CLMN: variants seen among roughly 807,000 people sequenced by gnomAD.
CLMN encodes calmin.
In CLMN, 57 loss-of-function variants were observed where a neutral mutation model predicts 92.7. The observed-to-expected ratio is 0.61, with a 90% CI of 0.50 to 0.77. The LOEUF is 0.77. CLMN is among the 30% of genes least tolerant of loss of function. CLMN has a pLI of 0.00. For synonymous variants in CLMN, 466 were observed against 470.6 expected, an observed-to-expected ratio of 0.99 and a Z score of 0.13; for missense variants, 1,158 against 1,237.5, an observed-to-expected ratio of 0.94 and a Z score of 0.96.
chr14:95,205,774 G>C (rs941640461), intron 8 of CLMN, among the ~76,000 whole-genome samples: 2 of 152,108 alleles, frequency 1.3e-5, no homozygotes, highest in Non-Finnish European at 2.9e-5. Context: ...TTAAAGATGA[G>C]TATTATAATC....
At chr14:95,231,353 T>C (rs1897883203) in intron 1 of CLMN, among the ~76,000 whole-genome samples, 1 of 152,168 alleles carries the variant, frequency 6.6e-6, no homozygotes, top group South Asian at 2.1e-4. Context: ...CGCACCACCA[T>C]GCCTGGCTAA....
intron 9 of CLMN, 47 bp from the exon 10 acceptor site, chr14:95,196,741 T>C (rs1158583211): frequency 6.4e-7 from 1 of 1,571,528 alleles, no homozygotes; most frequent in Admixed American, 1.8e-5. Flanking sequence ...CACGCTGCAG[T>C]GTAAAGTAGG....
chr14:95,242,816 C>G (rs768259322), intron 1 of CLMN, among the ~76,000 whole-genome samples: 16 of 152,004 alleles, frequency 1.1e-4, no homozygotes, highest in Non-Finnish European at 2.1e-4. Flanking sequence ...ATCCGCCCAC[C>G]TTGGCCTCCC....
chr14:95,274,154 C>A (rs1433379229), intron 1 of CLMN, among the ~76,000 whole-genome samples: 4 of 152,152 alleles, frequency 2.6e-5, no homozygotes, highest in Non-Finnish European at 5.9e-5. Context: ...GCCATCCAGA[C>A]CTTCCCCTGT....
intron 1 of CLMN, among the ~76,000 whole-genome samples, chr14:95,253,866 G>A (rs1013159508): frequency 3.3e-5 from 5 of 151,954 alleles, no homozygotes; most frequent in African/African-American, 7.3e-5. Flanking sequence ...CGCCCGCCTC[G>A]GCCTCTCAAA....
intron 1 of CLMN, among the ~76,000 whole-genome samples, chr14:95,267,435 C>T (rs968633223): frequency 2.0e-5 from 3 of 152,276 alleles, no homozygotes; most frequent in African/African-American, 7.2e-5. Flanking sequence ...GAATAAAGTG[C>T]TCAACATCAC....
intron 1 of CLMN, among the ~76,000 whole-genome samples, chr14:95,295,041 C>G (rs1430570984): frequency 2.0e-5 from 3 of 152,224 alleles, no homozygotes; most frequent in Non-Finnish European, 4.4e-5. Flanking sequence ...GGTGCTGCAC[C>G]AGCCCTTGCT....
chr14:95,292,421 C>G (rs990648671), intron 1 of CLMN, among the ~76,000 whole-genome samples: 1 of 111,130 alleles, frequency 9.0e-6, no homozygotes, highest in Non-Finnish European at 1.9e-5. Flanking sequence ...GATCTGCCCC[C>G]CAAGGGTCCC....
intron 5 of CLMN, among the ~76,000 whole-genome samples, chr14:95,213,822 G>A (rs919914562): frequency 1.3e-5 from 2 of 152,036 alleles, no homozygotes; most frequent in African/African-American, 2.4e-5. Context: ...CCCTCCATCA[G>A]TGAACTCCTC....
intron 1 of CLMN, among the ~76,000 whole-genome samples, chr14:95,299,338 A>G (rs1247985059): frequency 2.0e-5 from 3 of 152,204 alleles, no homozygotes; most frequent in Admixed American, 1.3e-4. Context: ...CACTGGGTCC[A>G]TGACTGAATG....
intron 1 of CLMN, among the ~76,000 whole-genome samples, chr14:95,230,568 G>C (rs1374687132): frequency 6.6e-6 from 1 of 152,326 alleles, no homozygotes; most frequent in East Asian, 1.9e-4. Flanking sequence ...TTAGGAATTG[G>C]ATAGGGGCTC....
At chr14:95,305,278 G>A (rs796128719) in intron 1 of CLMN, among the ~76,000 whole-genome samples, 7 of 152,284 alleles carry the variant, frequency 4.6e-5, no homozygotes, top group Admixed American at 1.3e-4. Flanking sequence ...GCTAGTAAGC[G>A]GCAGAGCCAG....
At chr14:95,300,253 C>T (rs1023141779) in intron 1 of CLMN, among the ~76,000 whole-genome samples, 2 of 152,184 alleles carry the variant, frequency 1.3e-5, no homozygotes, top group African/African-American at 4.8e-5. Flanking sequence ...CACAGTGTGA[C>T]AATGAAGTGG....
At chr14:95,298,967 C>T (rs1183430610) in intron 1 of CLMN, among the ~76,000 whole-genome samples, 1 of 152,198 alleles carries the variant, frequency 6.6e-6, no homozygotes, top group African/African-American at 2.4e-5. Context: ...CTTTGGTACC[C>T]CACAGAAAGC....
Position 95,204,235 on chromosome 14 carries a change from G to A in CLMN, c.1114C>T (p.Leu372=). Residue 372 remains leucine, a synonymous_variant, in exon 9 of 13, where the codon CTG becomes TTG. Coordinates refer to ENST00000298912, the MANE Select transcript of CLMN (RefSeq NM_024734.4). ...FRLDGVSSHA[L]SDSSTEFMHQ... The stretch of plus-strand genomic sequence containing the variant: ...ATGAACTCGGTGGAGCTGTCTGACA[G>A]CGCATGGCTGGAAACACCATCCAGG... The A allele has an allele frequency of 6.2e-7, 1 of 1,614,050 alleles. No individual in the cohort carries two copies. Among genetic ancestry groups the A allele is most frequent in the Non-Finnish European group, 8.5e-7 (1 of 1,180,000 alleles).
rs187425836 is a variant in CLMN at position 95,236,687 on chromosome 14, A to G, written c.83-6554T>C. Among the ~76,000 whole-genome samples the G allele has an allele frequency of 1.2e-3, 182 of 152,362 alleles. 1 individual carries two copies. Among genetic ancestry groups the G allele is most frequent in the African/African-American group, 4.3e-3 (178 of 41,586 alleles). On this transcript the variant is annotated intron_variant, in intron 1 of 12. Coordinates refer to ENST00000298912, the MANE Select transcript of CLMN (RefSeq NM_024734.4). ...GATCCTATCTTGACCTTTCTCCCAC[A>G]GAAGACAGAGAAGAGTTTCAGCAAC...
At chr14:95,306,400 C>T (rs1180754536) in intron 1 of CLMN, among the ~76,000 whole-genome samples, 2 of 152,084 alleles carry the variant, frequency 1.3e-5, no homozygotes, top group African/African-American at 4.8e-5. Context: ...GTAATCCCAG[C>T]TACTCGGGAA....
chr14:95,210,562 G>C (rs1897167523), intron 7 of CLMN, 124 bp downstream of exon 7: 11 of 919,886 alleles, frequency 1.2e-5, no homozygotes, highest in Non-Finnish European at 8.1e-6. Context: ...CTGAGTGGTA[G>C]AAATATAGGA....
chr14:95,230,237 C>T (rs1461479950), intron 1 of CLMN, 104 bp from the exon 2 acceptor site: 2 of 1,017,372 alleles, frequency 2.0e-6, no homozygotes, highest in Non-Finnish European at 3.1e-6. Flanking sequence ...AGACAGAACC[C>T]CAGGGTGTCC....
Sources: gnomAD v4.1 joint callset for allele counts (sites outside exome capture counted in the v4.1 genomes callset) on GRCh38, gnomAD v4.1.1 for gene constraint, MANE v1.5 for transcripts, NCBI Gene and HGNC (gene_info 2026-07-23, HGNC 2026-07-21) for gene names.